MTOR: variants seen among roughly 807,000 people sequenced by gnomAD.
MTOR encodes mechanistic target of rapamycin kinase.
MTOR carries 70 observed loss-of-function variants against 319.8 expected under a neutral mutation model. That is an observed-to-expected ratio of 0.22 (90% CI 0.18 to 0.27). The LOEUF (loss-of-function observed/expected upper bound fraction) is 0.27, where lower values mean the gene tolerates loss of function less well. MTOR is among the 10% of genes least tolerant of loss of function. The probability of loss-of-function intolerance (pLI) is 1.00; values close to 1 mark genes in which losing one functional copy is unlikely to be tolerated. For synonymous variants in MTOR, 1,183 were observed against 1,211.4 expected (o/e 0.98, Z 0.49); for missense variants, 1,890 against 3,274.4 (o/e 0.58, Z 10.32).
At chr1:11,210,076 C>G (rs772883511) in intron 24 of MTOR, among the ~76,000 whole-genome samples, 1 of 152,204 alleles carries the variant, frequency 6.6e-6, no homozygotes, top group African/African-American at 2.4e-5. Flanking sequence ...CCATGTTGGC[C>G]AGGCTGGTCT....
At chr1:11,149,786 G>A (rs1199941916) in intron 31 of MTOR, among the ~76,000 whole-genome samples, 2 of 150,888 alleles carry the variant, frequency 1.3e-5, no homozygotes, top group African/African-American at 5.0e-5. Flanking sequence ...ACTGGTGTCT[G>A]CTGACAATGG....
rs776748601 is a variant in MTOR at position 11,212,821 on chromosome 1, G to C, written c.3373C>G (p.Pro1125Ala). The C allele has an allele frequency of 1.9e-6, 3 of 1,614,008 alleles. No individual in the cohort carries two copies. The highest frequency in any genetic ancestry group is 1.6e-4 in the Middle Eastern group (1 of 6,062). The part of the protein sequence containing the change: ...LPPIVKLFDA[P>A]EAPLPSRKAA... Reference sequence around the variant, plus strand: ...TTTCGAGATGGCAGTGGAGCTTCAGGGGCATCAAACAACTTAACAATAGGA... The same window carrying C: ...TTTCGAGATGGCAGTGGAGCTTCAGCGGCATCAAACAACTTAACAATAGGA... The change falls in exon 22 of 58, where the codon CCT becomes GCT. Residue 1125 changes from proline (P) to alanine (A), a missense_variant. By Grantham distance (27) the Pro-to-Ala change is conservative. Transcript: ENST00000361445. This position sits in a 1 kb window ranked among gnomAD's most constrained non-coding sequence, Gnocchi z 4.1.
At chr1:11,183,986 T>C (rs759962967) in intron 28 of MTOR, among the ~76,000 whole-genome samples, 1 of 152,214 alleles carries the variant, frequency 6.6e-6, no homozygotes, top group Non-Finnish European at 1.5e-5. Flanking sequence ...TATCTCTACA[T>C]ATGTGGGTCT....
Position 11,128,363 on chromosome 1 carries a change from G to T in MTOR, c.5910+91C>A. 1 of 1,382,098 alleles carries T rather than the reference G, an allele frequency of 7.2e-7. No homozygotes were observed. 85.6% of individuals were successfully genotyped at this position (1,382,098 alleles called of 1,614,324 possible). A position where few individuals can be genotyped will look rare whatever the true frequency, so the allele number is the denominator to read the frequency against. The stretch of plus-strand genomic sequence containing the variant: ...GCCAGGATGGAACACATGGCTCCCA[G>T]TTCCTGCGCTTGTGTCGCCAGGGCA... On this transcript the variant is annotated intron_variant, in intron 42 of 57. Transcript: ENST00000361445. This position sits in a 1 kb window ranked among gnomAD's most constrained non-coding sequence, Gnocchi z 5.3.
At chr1:11,164,985 C>T (rs1021933947) in intron 29 of MTOR, among the ~76,000 whole-genome samples, 1 of 152,150 alleles carries the variant, frequency 6.6e-6, no homozygotes, top group African/African-American at 2.4e-5. Context: ...ATAAACAGAA[C>T]CAAAGACAAA....
intron 1 of MTOR, among the ~76,000 whole-genome samples, chr1:11,260,258 T>C (rs1363308986): frequency 2.0e-5 from 3 of 152,216 alleles, no homozygotes; most frequent in African/African-American, 7.2e-5. Context: ...TAATGGAAAT[T>C]TAGGCCGGGC....
intron 28 of MTOR, chr1:11,194,585 A>AT: frequency 6.2e-7 from 1 of 1,614,224 alleles, no homozygotes; most frequent in South Asian, 1.1e-5. Context: ...CTCCAGTATC[A>AT]TAACAACACA....
chr1:11,191,757 T>C (rs1295699184), intron 28 of MTOR, among the ~76,000 whole-genome samples: 1 of 152,170 alleles, frequency 6.6e-6, no homozygotes, highest in East Asian at 1.9e-4. Flanking sequence ...AAATATGTGA[T>C]AATAAAATCT....
intron 19 of MTOR, among the ~76,000 whole-genome samples, chr1:11,221,059 A>G (rs941571532): frequency 3.9e-5 from 6 of 151,920 alleles, no homozygotes; most frequent in African/African-American, 1.2e-4. Flanking sequence ...CAGTGGTCCA[A>G]TCTTGGCTCA....
At chr1:11,211,478 C>G (rs1441753126) in intron 23 of MTOR, among the ~76,000 whole-genome samples, 3 of 152,170 alleles carry the variant, frequency 2.0e-5, no homozygotes, top group Non-Finnish European at 4.4e-5. Context: ...AGCGATCCCT[C>G]TGCCTTAGCC....
intron 28 of MTOR, among the ~76,000 whole-genome samples, chr1:11,194,234 A>G (rs1036684603): frequency 2.6e-5 from 4 of 152,218 alleles, no homozygotes; most frequent in Non-Finnish European, 4.4e-5. Flanking sequence ...GAATATAGAA[A>G]GAGAGACTAA....
chr1:11,248,763 G>A (rs1649188925), intron 6 of MTOR, among the ~76,000 whole-genome samples: 1 of 152,120 alleles, frequency 6.6e-6, no homozygotes, highest in African/African-American at 2.4e-5. Flanking sequence ...AGTGAGCCAA[G>A]ATTGCACCAC....
rs1345393671 is a variant in MTOR at position 11,262,486 on chromosome 1, C to G, written c.-56G>C. 6.5e-6 allele frequency: 1 copy of G among 152,950 alleles called. No individual in the cohort carries two copies. Among genetic ancestry groups the G allele is most frequent in the Non-Finnish European group, 1.5e-5 (1 of 68,574 alleles). The allele number at this position is 152,950 out of a possible 1,614,324, so 9.5% of individuals were successfully genotyped here. ...AGGCCTCAGCTGCCGCCGCCAGCAC[C>G]GGTACCGCCGCTTCAGGCCCCCTGC... is the stretch of plus-strand genomic sequence containing the variant. On this transcript the variant is annotated 5_prime_UTR_variant, in exon 1 of 58. Coordinates refer to ENST00000361445, the MANE Select transcript of MTOR (RefSeq NM_004958.4).
chr1:11,213,253 A>G, intron 21 of MTOR, 146 bp downstream of exon 21: 1 of 773,124 alleles, frequency 1.3e-6, no homozygotes, highest in Non-Finnish European at 2.1e-6. Context: ...TAAACTGCAC[A>G]CATTGGGTAT....
At chr1:11,201,469 C>T (rs1343130543) in intron 26 of MTOR, among the ~76,000 whole-genome samples, 1 of 152,176 alleles carries the variant, frequency 6.6e-6, no homozygotes, top group Non-Finnish European at 1.5e-5. Flanking sequence ...ATCACTACTG[C>T]TAAATATATA....
chr1:11,225,422 CTT>C (rs201304113), intron 19 of MTOR, among the ~76,000 whole-genome samples: 73,776 of 136,892 alleles, frequency 0.54, 22,552 homozygotes, highest in East Asian at 0.76. Flanking sequence ...AAAATTGGTT[CTT>C]TTTTTTTTTT....
At chr1:11,232,833 C>T in intron 15 of MTOR, 1 of 512,074 alleles carries the variant, frequency 2.0e-6, no homozygotes, top group South Asian at 2.3e-5. Flanking sequence ...CAAGATCACA[C>T]CACTGCACTC....
At chr1:11,194,888 C>T (rs370389671) in intron 28 of MTOR, 6 of 1,614,066 alleles carry the variant, frequency 3.7e-6, no homozygotes, top group African/African-American at 1.3e-5. Flanking sequence ...CAGACTCCAA[C>T]CTCAATGGAG....
chr1:11,200,640 G>A (rs1645930932), intron 26 of MTOR, among the ~76,000 whole-genome samples: 1 of 152,148 alleles, frequency 6.6e-6, no homozygotes, highest in Non-Finnish European at 1.5e-5. Context: ...TTAGACCAAT[G>A]TGTATAATTT....
Sources: allele counts gnomAD v4.1 joint callset (sites outside exome capture counted in the v4.1 genomes callset), GRCh38; gene constraint gnomAD v4.1.1; non-coding constraint Gnocchi (gnomAD v3.1); transcripts MANE v1.5; gene names NCBI Gene and HGNC (gene_info 2026-07-23, HGNC 2026-07-21).